The following TESMIN variants were observed in gnomAD, a reference collection of about 807,000 sequenced individuals.
TESMIN encodes the protein testis expressed metallothionein like protein, also known as CXC domain containing 2.
In TESMIN, 34 loss-of-function variants were observed where a neutral mutation model predicts 47.4. The ratio of observed to expected loss-of-function variants is 0.72; its 90% CI spans 0.55 to 0.96. The LOEUF is 0.96. Among genes scored for constraint, TESMIN ranks in the 40% least tolerant of loss-of-function variants. The pLI is 0.00. For synonymous variants in TESMIN, 278 were observed against 258.9 expected (o/e 1.07, Z -0.71); for missense variants, 610 against 637.2 (o/e 0.96, Z 0.46).
intron 6 of TESMIN, among the ~76,000 whole-genome samples, chr11:68,724,301 A>G (rs75368595): frequency 0.064 from 9,675 of 152,316 alleles, 344 homozygotes; most frequent in Middle Eastern, 0.15. Context: ...AAAGGCACTC[A>G]ATAAAATTCA....
chr11:68,748,745 A>C (rs192169331), intron 2 of TESMIN, among the ~76,000 whole-genome samples: 14 of 152,338 alleles, frequency 9.2e-5, no homozygotes, highest in Non-Finnish European at 1.9e-4. Flanking sequence ...TAAAAAGCAA[A>C]GTCTCTCCTT....
chr11:68,738,649 G>A (rs1445538191), intron 6 of TESMIN, 51 bp downstream of exon 6: 6 of 1,608,464 alleles, frequency 3.7e-6, no homozygotes, highest in Non-Finnish European at 5.1e-6. Flanking sequence ...GTATCCAAGA[G>A]TCTCTTAAAT....
intron 1 of TESMIN, 51 bp from the exon 2 acceptor site, chr11:68,750,750 G>T (rs1454713695): frequency 8.6e-5 from 76 of 880,608 alleles, no homozygotes; most frequent in Middle Eastern, 7.6e-4. Flanking sequence ...ACGAGGGGAG[G>T]GGCGGCCAGG....
At chr11:68,721,255 G>A (rs180676856) in intron 6 of TESMIN, among the ~76,000 whole-genome samples, 9 of 152,152 alleles carry the variant, frequency 5.9e-5, no homozygotes, top group Admixed American at 3.9e-4. Flanking sequence ...TCTTCTTTCT[G>A]TTCCTAGAAC....
Position 68,715,900 on chromosome 11 carries a change from GT to G in TESMIN, c.956del (p.Asn319ThrfsTer60). On this transcript the variant is annotated frameshift_variant, in exon 7 of 10. Transcript: ENST00000255087. LOFTEE classifies it high-confidence loss of function. ...DCFASGDFCN[N>X]CNCNNCCNNL... Reference sequence around the variant, plus strand: ...TGTTGCAACAATTATTACAATTGCAGTTGTTGCAAAAGTCCCCACTGGCAAA... The same window carrying G: ...TGTTGCAACAATTATTACAATTGCAGTGTTGCAAAAGTCCCCACTGGCAAA... 1 of 1,613,740 alleles carries G rather than the reference GT, an allele frequency of 6.2e-7. No homozygotes were observed. Among genetic ancestry groups the G allele is most frequent in the Non-Finnish European group, 8.5e-7 (1 of 1,179,632 alleles).
rs1486651354 is a variant in TESMIN at position 68,747,341 on chromosome 11, G to C, written c.497C>G (p.Thr166Ser). Residue 166 changes from threonine to serine, a missense_variant, in exon 3 of 10, where the codon ACT (threonine) becomes AGT (serine). Thr to Ser is a moderately conservative substitution (Grantham distance 58). Coordinates refer to ENST00000255087, the MANE Select transcript of TESMIN (RefSeq NM_004923.3). ...IPVEIKEAGG[T>S]TTSNNPEEAT... ...TTCTTCCGGATTATTACTTGTAGTAGTACCACCTGCTTCCTTGATTTCAAC... is the reference window on the plus strand; with the variant it reads ...TTCTTCCGGATTATTACTTGTAGTACTACCACCTGCTTCCTTGATTTCAAC... 5 of 1,613,412 alleles carry C rather than the reference G, an allele frequency of 3.1e-6. No individual in the cohort carries two copies. Among genetic ancestry groups the C allele is most frequent in the Non-Finnish European group, 4.2e-6 (5 of 1,179,310 alleles).
rs572135708 is a variant in TESMIN, at chr11:68,738,476, A to G, written c.917+224T>C. On this transcript the variant is annotated intron_variant, in intron 6 of 9. Coordinates refer to ENST00000255087, the MANE Select transcript of TESMIN (RefSeq NM_004923.3). Reference sequence around the variant, plus strand: ...ACAGCGGACAGGAGGACAGGGACAGATGCAGGTTATGGGCCAGACTTTCCA... The same window carrying G: ...ACAGCGGACAGGAGGACAGGGACAGGTGCAGGTTATGGGCCAGACTTTCCA... 41 of 1,346,690 alleles carry G rather than the reference A, an allele frequency of 3.0e-5. No homozygotes were observed. The East Asian group carries it at 1.1e-3, about 36-fold the overall frequency. 83.4% of individuals were successfully genotyped at this position (1,346,690 alleles called of 1,614,324 possible).
intron 4 of TESMIN, among the ~76,000 whole-genome samples, chr11:68,744,132 A>T (rs1946491246): frequency 6.6e-6 from 1 of 152,218 alleles, no homozygotes; most frequent in South Asian, 2.1e-4. Flanking sequence ...ACAGGGAGAC[A>T]ATCAGGATGC....
In TESMIN at chr11:68,736,816, A is replaced by C. The variant is rs1185839502; in HGVS notation, c.917+1884T>G. On this transcript the variant is annotated intron_variant, in intron 6 of 9. Transcript: ENST00000255087. ...AAGAGGAGGAGGAGGGGACGAGAAG[A>C]GGAAGGAGGAGGAGGAGAATGGGAA... The C allele has an allele frequency of 4.1e-6, 4 of 977,998 alleles. No individual in the cohort carries two copies. The African/African-American group carries it at 7.0e-5, about 17-fold the overall frequency. 60.6% of individuals were successfully genotyped at this position (977,998 alleles called of 1,614,324 possible).
intron 2 of TESMIN, among the ~76,000 whole-genome samples, chr11:68,749,789 A>G (rs1476336049): frequency 6.6e-6 from 1 of 152,048 alleles, no homozygotes; most frequent in African/African-American, 2.4e-5. Context: ...AAACACGCCA[A>G]CCCTCCACCA....
In TESMIN at chr11:68,742,315, C is replaced by T; in HGVS notation, c.828+3G>A. 1 of 1,566,264 alleles carries T rather than the reference C, an allele frequency of 6.4e-7. No homozygotes were observed. The highest frequency in any genetic ancestry group is 1.2e-5 in the South Asian group (1 of 86,442). ...TATTTTTTAAATTAAAACAATGACT[C>T]ACTTGTTGTGTAATGAGATTTAATT... On this transcript the variant is annotated splice_donor_region_variant and intron_variant, in intron 5 of 9. Coordinates refer to ENST00000255087, the MANE Select transcript of TESMIN (RefSeq NM_004923.3).
intron 6 of TESMIN, among the ~76,000 whole-genome samples, chr11:68,720,888 A>T (rs1243795848): frequency 6.6e-6 from 1 of 152,248 alleles, no homozygotes; most frequent in East Asian, 1.9e-4. Flanking sequence ...TTCCCTAGAG[A>T]TGATCATTTG....
In TESMIN at chr11:68,708,198, G is replaced by T. The variant is rs1594281722; in HGVS notation, c.*110C>A. 1 of 1,103,918 alleles carries T rather than the reference G, an allele frequency of 9.1e-7. No individual in the cohort carries two copies. Among genetic ancestry groups the T allele is most frequent in the East Asian group, 2.4e-5 (1 of 41,002 alleles). The allele number at this position is 1,103,918 out of a possible 1,614,324, so 68.4% of individuals were successfully genotyped here. On this transcript the variant is annotated 3_prime_UTR_variant, in exon 10 of 10. Transcript: ENST00000255087. ...TAAACTCCCTGGGCCCAGGGATGCA[G>T]GGGAGCCTGGTTGTTGCTGCAGAGC...
intron 6 of TESMIN, among the ~76,000 whole-genome samples, chr11:68,730,722 G>A (rs550161664): frequency 6.7e-6 from 1 of 149,710 alleles, no homozygotes; most frequent in African/African-American, 2.5e-5. Flanking sequence ...TGGAACCTGG[G>A]AGGTGGAGGT....
chr11:68,735,247 C>G (rs931871098), intron 6 of TESMIN, among the ~76,000 whole-genome samples: 1 of 152,228 alleles, frequency 6.6e-6, no homozygotes, highest in African/African-American at 2.4e-5. Context: ...AGGGGGGGCT[C>G]TGACAGCTAC....
chr11:68,729,491 C>T (rs1351971267), intron 6 of TESMIN, among the ~76,000 whole-genome samples: 2 of 150,970 alleles, frequency 1.3e-5, no homozygotes, highest in Non-Finnish European at 2.9e-5. Flanking sequence ...TGCCACTGCA[C>T]TCTAGCCTGG....
At chr11:68,715,185 G>A (rs1329130813) in intron 7 of TESMIN, among the ~76,000 whole-genome samples, 1 of 152,092 alleles carries the variant, frequency 6.6e-6, no homozygotes, top group Non-Finnish European at 1.5e-5. Flanking sequence ...AGTGGGCACC[G>A]GAAGTGTCTC....
At chr11:68,724,087 T>C (rs1163608624) in intron 6 of TESMIN, among the ~76,000 whole-genome samples, 4 of 152,088 alleles carry the variant, frequency 2.6e-5, no homozygotes. Flanking sequence ...TGAAAGAATA[T>C]ATGAGAAAGA....
At chr11:68,748,278 T>C (rs1467386873) in intron 2 of TESMIN, among the ~76,000 whole-genome samples, 1 of 152,238 alleles carries the variant, frequency 6.6e-6, no homozygotes, top group Non-Finnish European at 1.5e-5. Flanking sequence ...ATATTTCCCA[T>C]GTATGGGCAA....
Sources: allele counts gnomAD v4.1 joint callset (sites outside exome capture counted in the v4.1 genomes callset), GRCh38; gene constraint gnomAD v4.1.1; transcripts MANE v1.5; gene names NCBI Gene and HGNC (gene_info 2026-07-23, HGNC 2026-07-21).